NXPH1: variants seen among roughly 807,000 people sequenced by gnomAD.
NXPH1 encodes the protein neurexophilin-1.
A neutral mutation model predicts 23.7 loss-of-function variants in NXPH1; 5 were observed. That is an observed-to-expected ratio of 0.21 (90% CI 0.11 to 0.44). The LOEUF (loss-of-function observed/expected upper bound fraction) is 0.44. Among genes scored for constraint, NXPH1 ranks in the 20% least tolerant of loss-of-function variants. The pLI, the probability that NXPH1 is intolerant of heterozygous loss-of-function variation, is 0.99. For missense variants in NXPH1, 324 were observed against 321.6 expected (o/e 1.01, Z -0.06); for synonymous variants, 144 against 122.2 (o/e 1.18, Z -1.18).
At chr7:8,739,658 C>A (rs1024779938) in intron 2 of NXPH1, among the ~76,000 whole-genome samples, 1 of 151,958 alleles carries the variant, frequency 6.6e-6, no homozygotes, top group Non-Finnish European at 1.5e-5. Context: ...CATACTGTAC[C>A]TTTTTTCTTT....
chr7:8,554,735 T>G (rs1818329849), intron 2 of NXPH1, among the ~76,000 whole-genome samples: 1 of 151,690 alleles, frequency 6.6e-6, no homozygotes, highest in Non-Finnish European at 1.5e-5. Context: ...AGTCCTTCTG[T>G]TCTTTAGGAA....
At chr7:8,438,177 G>A (rs1816228960) in intron 2 of NXPH1, among the ~76,000 whole-genome samples, 1 of 152,236 alleles carries the variant, frequency 6.6e-6, no homozygotes, top group Non-Finnish European at 1.5e-5. Flanking sequence ...AAATAAAGAA[G>A]TAGAGAGCCT....
chr7:8,601,623 T>C (rs150300512), intron 2 of NXPH1, among the ~76,000 whole-genome samples: 7 of 152,306 alleles, frequency 4.6e-5, no homozygotes, highest in African/African-American at 1.2e-4. Context: ...TCATTGAAAA[T>C]AGGGACAAGT....
intron 2 of NXPH1, among the ~76,000 whole-genome samples, chr7:8,647,586 G>C (rs1319879659): frequency 2.0e-5 from 3 of 151,990 alleles, no homozygotes; most frequent in African/African-American, 4.8e-5. Flanking sequence ...AAATTCTTTT[G>C]TGTGGTTTTT....
At chr7:8,488,676 T>C (rs185218484) in intron 2 of NXPH1, among the ~76,000 whole-genome samples, 2 of 152,162 alleles carry the variant, frequency 1.3e-5, no homozygotes, top group Admixed American at 1.3e-4. Flanking sequence ...TAGGAATTTC[T>C]GACCTAGATC....
At chr7:8,489,799 A>G (rs1399649099) in intron 2 of NXPH1, among the ~76,000 whole-genome samples, 1 of 152,118 alleles carries the variant, frequency 6.6e-6, no homozygotes. Context: ...ACCTCCACCA[A>G]CAAATTCAAA....
chr7:8,689,328 A>C (rs1361296056), intron 2 of NXPH1, among the ~76,000 whole-genome samples: 2 of 152,174 alleles, frequency 1.3e-5, no homozygotes, highest in Admixed American at 6.6e-5. Context: ...GAAAAAAAAA[A>C]AAACCAACTT....
chr7:8,619,789 A>C (rs571262207), intron 2 of NXPH1, among the ~76,000 whole-genome samples: 1 of 152,166 alleles, frequency 6.6e-6, no homozygotes, highest in Non-Finnish European at 1.5e-5. Flanking sequence ...TAATACCATT[A>C]TTTCATATGA....
At chr7:8,663,873 G>T (rs772114638) in intron 2 of NXPH1, among the ~76,000 whole-genome samples, 3 of 151,960 alleles carry the variant, frequency 2.0e-5, no homozygotes, top group Non-Finnish European at 2.9e-5. Context: ...CCCTCTAATC[G>T]TAATCCTTAT....
At chr7:8,543,516 C>A (rs1818150540) in intron 2 of NXPH1, among the ~76,000 whole-genome samples, 1 of 151,502 alleles carries the variant, frequency 6.6e-6, no homozygotes, top group South Asian at 2.1e-4. Context: ...GATTTGGGGC[C>A]AAATCCTCAA....
intron 2 of NXPH1, among the ~76,000 whole-genome samples, chr7:8,461,897 C>T (rs1027290589): frequency 6.7e-6 from 1 of 150,072 alleles, no homozygotes; most frequent in Non-Finnish European, 1.5e-5. Context: ...TATACTCAAA[C>T]ACCATTTAAC....
chr7:8,596,021 T>C (rs996452692), intron 2 of NXPH1, among the ~76,000 whole-genome samples: 2 of 152,086 alleles, frequency 1.3e-5, no homozygotes, highest in Non-Finnish European at 2.9e-5. Flanking sequence ...GCATGCAAGT[T>C]TGATATGTCT....
At position 8,597,255 on chromosome 7, in the gene NXPH1, G is replaced by A. The variant is rs28582238; in HGVS notation, c.55-153753G>A. On this transcript the variant is annotated intron_variant, in intron 2 of 2. Transcript: ENST00000405863. ...AGTTGGGTCTTTTCAGCCAGAGTAC[G>A]ATGTTTTGGCCATTAAAGGGTAAAG... Among the ~76,000 whole-genome samples the A allele has an allele frequency of 9.7e-3, 1,483 of 152,198 alleles. 17 individuals are homozygous for A. The highest frequency in any genetic ancestry group is 0.034 in the African/African-American group (1,416 of 41,542).
chr7:8,605,017 G>T (rs1583187069), intron 2 of NXPH1, among the ~76,000 whole-genome samples: 1 of 152,102 alleles, frequency 6.6e-6, no homozygotes, highest in Admixed American at 6.5e-5. Flanking sequence ...ATTGCTAATT[G>T]TCAGAACTGC....
Position 8,435,882 on chromosome 7 carries a change from C to CAA in NXPH1, c.54+116_54+117insAA. ...CAGTTCAGTGAGAGCAGCTTCCTAG[C>CAA]AGCTGTGTTGGAGCAACTTTGGCAA... On this transcript the variant is annotated intron_variant, in intron 2 of 2. Coordinates refer to ENST00000405863, the MANE Select transcript of NXPH1 (RefSeq NM_152745.3). This position sits in a 1 kb window ranked among gnomAD's most constrained non-coding sequence, Gnocchi z 5.9. The CAA allele has an allele frequency of 9.9e-7, 1 of 1,010,556 alleles. No individual in the cohort carries two copies. The highest frequency in any genetic ancestry group is 1.6e-6 in the Non-Finnish European group (1 of 634,174). The allele number at this position is 1,010,556 out of a possible 1,614,324, so 62.6% of individuals were successfully genotyped here. A position where few individuals can be genotyped will look rare whatever the true frequency, so the allele number is the denominator to read the frequency against.
intron 2 of NXPH1, among the ~76,000 whole-genome samples, chr7:8,690,567 G>T (rs1821207519): frequency 6.6e-6 from 1 of 152,124 alleles, no homozygotes; most frequent in African/African-American, 2.4e-5. Flanking sequence ...AAACATTTCA[G>T]CATAGATACT....
At chr7:8,537,231 C>T (rs1356828607) in intron 2 of NXPH1, among the ~76,000 whole-genome samples, 4 of 151,884 alleles carry the variant, frequency 2.6e-5, no homozygotes, top group Non-Finnish European at 4.4e-5. Context: ...TGTATTTCCT[C>T]TCCCTCTCCC....
At chr7:8,455,175 T>C (rs763144177) in intron 2 of NXPH1, among the ~76,000 whole-genome samples, 9 of 152,136 alleles carry the variant, frequency 5.9e-5, no homozygotes, top group African/African-American at 1.9e-4. Flanking sequence ...TTCCACCCAC[T>C]ATATTGTCAG....
intron 2 of NXPH1, among the ~76,000 whole-genome samples, chr7:8,732,776 A>G (rs1431198511): frequency 6.6e-6 from 1 of 152,146 alleles, no homozygotes; most frequent in African/African-American, 2.4e-5. Flanking sequence ...GTGGTGAATC[A>G]GTGAGTGGTG....
Sources: gnomAD v4.1 joint callset for allele counts (sites outside exome capture counted in the v4.1 genomes callset) on GRCh38, gnomAD v4.1.1 for gene constraint, Gnocchi (gnomAD v3.1) non-coding constraint, MANE v1.5 for transcripts, NCBI Gene and HGNC (gene_info 2026-07-23, HGNC 2026-07-21) for gene names.